Variants in CDH13 observed in about 807,000 individuals in gnomAD.
The protein encoded by CDH13 is cadherin-13.
CDH13 carries 24 observed loss-of-function variants against 63.8 expected under a neutral mutation model. That is an observed-to-expected ratio of 0.38 (90% CI 0.27 to 0.53). CDH13 has a LOEUF of 0.53. Among genes scored for constraint, CDH13 ranks in the 20% least tolerant of loss-of-function variants. CDH13 has a pLI of 0.85. For synonymous variants in CDH13, 503 were observed against 355.3 expected (o/e 1.42, Z -4.67); for missense variants, 1,049 against 903.1 (o/e 1.16, Z -2.07).
intron 6 of CDH13, among the ~76,000 whole-genome samples, chr16:83,376,463 AATAG>A (rs1214335161): frequency 6.6e-6 from 1 of 152,222 alleles, no homozygotes; most frequent in Non-Finnish European, 1.5e-5. Flanking sequence ...GACAGAAATA[AATAG>A]ATAGCTAGTA....
intron 1 of CDH13, among the ~76,000 whole-genome samples, chr16:82,692,445 A>G (rs1477955373): frequency 1.3e-5 from 2 of 152,220 alleles, no homozygotes; most frequent in African/African-American, 4.8e-5. Flanking sequence ...GCTGCAGGCA[A>G]GAGAGCATGT....
chr16:82,838,493 T>G (rs902658410), intron 1 of CDH13, among the ~76,000 whole-genome samples: 4 of 152,208 alleles, frequency 2.6e-5, no homozygotes, highest in African/African-American at 9.7e-5. Flanking sequence ...CTTTGAATGT[T>G]GAAAAAAGTT....
intron 10 of CDH13, among the ~76,000 whole-genome samples, chr16:83,707,099 A>C (rs1449995751): frequency 1.3e-5 from 2 of 152,222 alleles, no homozygotes; most frequent in Non-Finnish European, 2.9e-5. Context: ...GAAGGATACA[A>C]GATGGAAAGC....
intron 5 of CDH13, among the ~76,000 whole-genome samples, chr16:83,308,964 G>A (rs2089940595): frequency 6.6e-6 from 1 of 152,094 alleles, no homozygotes; most frequent in Non-Finnish European, 1.5e-5. Flanking sequence ...GAGGGCACCA[G>A]GTCACACTGG....
At chr16:83,770,090 T>C (rs1270637906) in intron 11 of CDH13, among the ~76,000 whole-genome samples, 2 of 152,096 alleles carry the variant, frequency 1.3e-5, no homozygotes, top group Non-Finnish European at 2.9e-5. Flanking sequence ...CTGTTTCTCA[T>C]TGCATCCACA....
intron 7 of CDH13, among the ~76,000 whole-genome samples, chr16:83,574,297 A>G (rs1904909015): frequency 6.6e-6 from 1 of 152,170 alleles, no homozygotes; most frequent in African/African-American, 2.4e-5. Flanking sequence ...AACTGTGCTC[A>G]TGCACTTGAG....
intron 4 of CDH13, among the ~76,000 whole-genome samples, chr16:83,160,693 G>A (rs960487213): frequency 6.6e-6 from 1 of 152,088 alleles, no homozygotes; most frequent in African/African-American, 2.4e-5. Flanking sequence ...AAAGAGGGGT[G>A]ATATTTTATA....
At chr16:83,418,593 C>T (rs1328501916) in intron 6 of CDH13, among the ~76,000 whole-genome samples, 1 of 152,134 alleles carries the variant, frequency 6.6e-6, no homozygotes, top group Non-Finnish European at 1.5e-5. Context: ...TTGCTTGGAT[C>T]TGTACAAACC....
intron 1 of CDH13, among the ~76,000 whole-genome samples, chr16:82,669,869 C>T (rs76856286): frequency 0.026 from 3,995 of 152,304 alleles, 201 homozygotes; most frequent in East Asian, 0.15. Flanking sequence ...CTCTATAAGG[C>T]AGCTTATGTG....
chr16:82,654,624 A>G (rs1911093155), intron 1 of CDH13, among the ~76,000 whole-genome samples: 1 of 152,172 alleles, frequency 6.6e-6, no homozygotes, highest in Admixed American at 6.5e-5. Context: ...ATTTAATACC[A>G]TTTAAAATGT....
At chr16:82,819,730 A>C (rs1409739535) in intron 1 of CDH13, among the ~76,000 whole-genome samples, 1 of 152,230 alleles carries the variant, frequency 6.6e-6, no homozygotes, top group East Asian at 1.9e-4. Flanking sequence ...TTCAAAATGT[A>C]TTGAATGCCT....
chr16:83,615,214 C>T (rs1050529147), intron 8 of CDH13, among the ~76,000 whole-genome samples: 4 of 152,116 alleles, frequency 2.6e-5, no homozygotes, highest in Non-Finnish European at 4.4e-5. Context: ...CTTGGATAAG[C>T]GTTTACTTCC....
chr16:82,885,996 A>G (rs1459941621), intron 2 of CDH13, among the ~76,000 whole-genome samples: 1 of 152,176 alleles, frequency 6.6e-6, no homozygotes, highest in Non-Finnish European at 1.5e-5. Context: ...TGGTGAGAAA[A>G]CATGTAAAAG....
chr16:83,760,405 C>T (rs1913868678), intron 11 of CDH13, among the ~76,000 whole-genome samples: 1 of 152,286 alleles, frequency 6.6e-6, no homozygotes, highest in Admixed American at 6.5e-5. Context: ...CCAGAATATC[C>T]ACTATTCATA....
At chr16:83,560,223 T>C (rs368174176) in intron 7 of CDH13, among the ~76,000 whole-genome samples, 2 of 152,224 alleles carry the variant, frequency 1.3e-5, no homozygotes, top group Admixed American at 6.5e-5. Flanking sequence ...ATATTCATAG[T>C]TCTGACTGGG....
chr16:83,216,437 T>C (rs1406133231), intron 4 of CDH13, among the ~76,000 whole-genome samples: 7 of 108,538 alleles, frequency 6.4e-5, no homozygotes, highest in African/African-American at 2.8e-4. Context: ...TATATATATA[T>C]ATATATACAC....
At chr16:83,779,283 T>G (rs1322783165) in intron 11 of CDH13, among the ~76,000 whole-genome samples, 8 of 151,758 alleles carry the variant, frequency 5.3e-5, no homozygotes, top group Middle Eastern at 3.4e-3. Context: ...GGCAGGTGCC[T>G]GTAGTCCCAG....
At chr16:83,488,225 C>A (rs562088733) in intron 7 of CDH13, among the ~76,000 whole-genome samples, 3 of 152,338 alleles carry the variant, frequency 2.0e-5, no homozygotes, top group Admixed American at 2.0e-4. Flanking sequence ...TAGAACACTT[C>A]CATCACCCCA....
intron 4 of CDH13, among the ~76,000 whole-genome samples, chr16:83,206,238 C>T (rs946451997): frequency 3.9e-5 from 6 of 152,182 alleles, no homozygotes; most frequent in Non-Finnish European, 1.5e-5. Context: ...TGATTGCCTA[C>T]GAAGCCCTCT....
Sources: gnomAD v4.1 joint callset for allele counts (sites outside exome capture counted in the v4.1 genomes callset) on GRCh38, gnomAD v4.1.1 for gene constraint, MANE v1.5 for transcripts, NCBI Gene and HGNC (gene_info 2026-07-23, HGNC 2026-07-21) for gene names.